Variants in STARD9 observed in about 807,000 individuals in gnomAD.
STARD9 encodes stAR-related lipid transfer protein 9.
In STARD9, 346 loss-of-function variants were observed where a neutral mutation model predicts 399.8. The observed-to-expected ratio is 0.87, with a 90% CI of 0.79 to 0.95. The LOEUF is 0.95. STARD9 is among the 40% of genes least tolerant of loss of function. STARD9 has a pLI of 0.00. For missense variants in STARD9, 5,832 were observed against 5,667.5 expected (o/e 1.03, Z -0.93); for synonymous variants, 2,203 against 2,143.5 (o/e 1.03, Z -0.77).
intron 3 of STARD9, among the ~76,000 whole-genome samples, chr15:42,593,984 A>G (rs2058455144): frequency 6.6e-6 from 1 of 152,060 alleles, no homozygotes; most frequent in South Asian, 2.1e-4. Context: ...TGTTGTTTTA[A>G]TATTTATTTG....
At chr15:42,677,371 G>A (rs1324141305) in intron 20 of STARD9, among the ~76,000 whole-genome samples, 3 of 152,246 alleles carry the variant, frequency 2.0e-5, no homozygotes, top group African/African-American at 4.8e-5. Flanking sequence ...ATTGCGTGAA[G>A]GATGATCCTA....
chr15:42,667,841 C>G (rs1020519138), intron 15 of STARD9, among the ~76,000 whole-genome samples: 2 of 152,292 alleles, frequency 1.3e-5, no homozygotes, highest in South Asian at 4.1e-4. Context: ...TTGCATCATC[C>G]TTATATGTTA....
intron 7 of STARD9, among the ~76,000 whole-genome samples, chr15:42,646,000 A>C (rs531474169): frequency 1.3e-5 from 2 of 152,106 alleles, no homozygotes; most frequent in South Asian, 2.1e-4. Flanking sequence ...ATATCTACTA[A>C]AAATACAAAA....
At chr15:42,669,111 C>T in intron 15 of STARD9, 47 bp from the exon 16 acceptor site, 1 of 1,460,550 alleles carries the variant, frequency 6.8e-7, no homozygotes, top group Non-Finnish European at 9.2e-7. Context: ...GACCTTTAGT[C>T]TGTTCCCCAT....
chr15:42,654,501 G>A (rs1026402218), intron 9 of STARD9, among the ~76,000 whole-genome samples: 10 of 152,058 alleles, frequency 6.6e-5, no homozygotes, highest in African/African-American at 1.7e-4. Context: ...GTTGCTGTTC[G>A]CTGACAACAT....
intron 1 of STARD9, 71 bp from the exon 2 acceptor site, chr15:42,583,275 G>A: frequency 1.7e-6 from 2 of 1,166,860 alleles, no homozygotes; most frequent in Non-Finnish European, 1.2e-6. Flanking sequence ...TGTCCCACTA[G>A]CACTGGTTTT....
intron 22 of STARD9, among the ~76,000 whole-genome samples, chr15:42,683,798 ATCTTT>A (rs2060485816): frequency 6.6e-6 from 1 of 152,158 alleles, no homozygotes; most frequent in Non-Finnish European, 1.5e-5. Flanking sequence ...CTATAGATTT[ATCTTT>A]TGGTTCCTCA....
rs1044849267 is a variant in STARD9, at chr15:42,689,997, G to GA, written c.8425dup (p.Thr2809AsnfsTer5). 201 of 1,537,130 alleles carry GA rather than the reference G, an allele frequency of 1.3e-4. No individual in the cohort carries two copies. Among genetic ancestry groups the GA allele is most frequent in the Non-Finnish European group, 1.6e-4 (182 of 1,146,932 alleles). The stretch of plus-strand genomic sequence containing the variant: ...TAATTTGTTAGTGACTGCACAGGGA[G>GA]AAAAAACAGCCCATTTTGAAAGTCA... On this transcript the variant is annotated frameshift_variant, in exon 23 of 33. Transcript: ENST00000290607. LOFTEE classifies it high-confidence loss of function.
chr15:42,686,410 A>C lies in STARD9; in HGVS notation c.4832A>C (p.Glu1611Ala), dbSNP rs1212187099. ...ACAAATGCACAGGTCTTTGCAACAGAGAACGCGATACCAGATTCCATGACA... is the reference window on the plus strand; with the variant it reads ...ACAAATGCACAGGTCTTTGCAACAGCGAACGCGATACCAGATTCCATGACA... The part of the protein sequence containing the change: ...RSTNAQVFAT[E>A]NAIPDSMTEA... Residue 1611 changes from glutamate (E) to alanine (A), a missense_variant, in exon 23 of 33, where the codon GAG (glutamate) becomes GCG (alanine). By Grantham distance (107) the Glu-to-Ala change is moderately radical. Transcript: ENST00000290607. The C allele has an allele frequency of 6.5e-7, 1 of 1,537,748 alleles. No individual in the cohort carries two copies. The highest frequency in any genetic ancestry group is 2.0e-5 in the Admixed American group (1 of 51,010).
rs1209414559 is a variant in STARD9 at position 42,688,979 on chromosome 15, G to A, written c.7401G>A (p.Glu2467=). The stretch of plus-strand genomic sequence containing the variant: ...GTGAAGATTTTGCTTCTGAAGCCGA[G>A]GTGGCTGTACAAAAAGAAATAAGAG... The part of the protein sequence containing the change: ...STSEDFASEA[E]VAVQKEIRVS... Residue 2467 remains glutamate, a synonymous_variant, in exon 23 of 33, where the codon GAG becomes GAA. Coordinates refer to ENST00000290607, the MANE Select transcript of STARD9 (RefSeq NM_020759.3). 5.2e-6 allele frequency: 8 copies of A among 1,537,268 alleles called. No homozygotes were observed. The highest frequency in any genetic ancestry group is 6.1e-6 in the Non-Finnish European group (7 of 1,146,954).
chr15:42,692,922 C>T lies in STARD9; in HGVS notation c.11344C>T (p.Pro3782Ser). The change falls in exon 23 of 33, where the codon CCT becomes TCT. Residue 3782 changes from proline (P) to serine (S), a missense_variant. Coordinates refer to ENST00000290607, the MANE Select transcript of STARD9 (RefSeq NM_020759.3). ...AGAAGAGGGAGATGTGCCAGGGGTA[C>T]CTCAGAAGAGAGAGGCAGAGGAAAC... ...SQEEGDVPGV[P>S]QKREAEETAQ... 1 of 1,537,242 alleles carries T rather than the reference C, an allele frequency of 6.5e-7. No individual in the cohort carries two copies. Among genetic ancestry groups the T allele is most frequent in the Non-Finnish European group, 8.7e-7 (1 of 1,146,914 alleles).
At chr15:42,704,199 C>A (rs1481695041) in intron 26 of STARD9, among the ~76,000 whole-genome samples, 1 of 152,194 alleles carries the variant, frequency 6.6e-6, no homozygotes, top group Non-Finnish European at 1.5e-5. Flanking sequence ...GCATGAGCTA[C>A]CACGCCTGGC....
intron 3 of STARD9, among the ~76,000 whole-genome samples, chr15:42,628,075 T>C (rs2059260647): frequency 6.6e-6 from 1 of 152,216 alleles, no homozygotes; most frequent in Non-Finnish European, 1.5e-5. Flanking sequence ...TTCCCTTTTC[T>C]CCACATCCTC....
intron 7 of STARD9, among the ~76,000 whole-genome samples, chr15:42,639,190 C>T (rs904346328): frequency 3.3e-5 from 5 of 152,120 alleles, no homozygotes; most frequent in Non-Finnish European, 1.5e-5. Context: ...AATGACGTAA[C>T]GTGGTGAGAA....
chr15:42,692,388 C>G lies in STARD9; in HGVS notation c.10810C>G (p.Pro3604Ala). The G allele has an allele frequency of 6.5e-7, 1 of 1,536,952 alleles. No individual in the cohort carries two copies. Among genetic ancestry groups the G allele is most frequent in the South Asian group, 1.2e-5 (1 of 84,068 alleles). The change falls in exon 23 of 33, where the codon CCC becomes GCC. Residue 3604 changes from proline (P) to alanine (A), a missense_variant. Around this residue, in one of 2 missense-constraint regions of STARD9, gnomAD observed 5,828 missense variants for 5,651.1 expected, o/e 1.03. Coordinates refer to ENST00000290607, the MANE Select transcript of STARD9 (RefSeq NM_020759.3). ...TGAAGCAGACTGTCTGAGGAGTAAG[C>G]CCCCCTTGGCCAAAGGAAGTGCTGC... Reference protein sequence around the residue: ...SGEADCLRSKPPLAKGSAAGP... With the variant: ...SGEADCLRSKAPLAKGSAAGP...
Position 42,687,653 on chromosome 15 carries a change from G to A in STARD9, c.6075G>A (p.Met2025Ile). 1 of 1,537,100 alleles carries A rather than the reference G, an allele frequency of 6.5e-7. No individual in the cohort carries two copies. The highest frequency in any genetic ancestry group is 8.7e-7 in the Non-Finnish European group (1 of 1,146,890). ...RNPSECKSQE[M>I]LNPNREPSGK... The stretch of plus-strand genomic sequence containing the variant: ...CCAGTGAATGCAAGTCACAAGAAAT[G>A]TTAAATCCCAACAGAGAACCTTCTG... The change falls in exon 23 of 33, where the codon ATG (methionine) becomes ATA (isoleucine). Residue 2025 changes from methionine to isoleucine, a missense_variant. This residue lies in a region of STARD9 where 5,828 missense variants were observed against 5,651.1 expected (regional missense o/e 1.03). Transcript: ENST00000290607.
In STARD9 at chr15:42,691,191, G is replaced by A. The variant is rs1041133949; in HGVS notation, c.9613G>A (p.Glu3205Lys). 3.3e-6 allele frequency: 5 copies of A among 1,537,128 alleles called. No homozygotes were observed. The highest frequency in any genetic ancestry group is 4.4e-6 in the Non-Finnish European group (5 of 1,146,902). The change falls in exon 23 of 33, where the codon GAA becomes AAA. Residue 3205 changes from glutamate to lysine, a missense_variant. By Grantham distance (56) the Glu-to-Lys change is moderately conservative. Transcript: ENST00000290607. ...GTTAAAACATACCTGCAGCCCCCAG[G>A]AAGACAGTCCCTGGCAGGAAGAAGA... ...ARLKHTCSPQEDSPWQEEEQH... is the reference protein window; with the variant it reads ...ARLKHTCSPQKDSPWQEEEQH...
chr15:42,715,135 G>A (rs767254820), intron 26 of STARD9, among the ~76,000 whole-genome samples: 2 of 151,662 alleles, frequency 1.3e-5, no homozygotes, highest in Non-Finnish European at 2.9e-5. Flanking sequence ...AAGTGATTCT[G>A]TCAGTGAAAG....
Position 42,663,506 on chromosome 15 carries a change from G to C in STARD9, c.1078+16G>C. On this transcript the variant is annotated intron_variant, in intron 12 of 32. Coordinates refer to ENST00000290607, the MANE Select transcript of STARD9 (RefSeq NM_020759.3). ...ATGGTTGCCAGTGAGTGGGATGCCA[G>C]AGCTGGACCTGTGTTGGGACTGGTA... 2 of 1,536,824 alleles carry C rather than the reference G, an allele frequency of 1.3e-6. No homozygotes were observed. The highest frequency in any genetic ancestry group is 1.7e-6 in the Non-Finnish European group (2 of 1,146,558).
Sources: gnomAD v4.1 joint callset for allele counts (sites outside exome capture counted in the v4.1 genomes callset) on GRCh38, gnomAD v4.1.1 for gene constraint, gnomAD v4.1.1 regional missense constraint, MANE v1.5 for transcripts, NCBI Gene and HGNC (gene_info 2026-07-23, HGNC 2026-07-21) for gene names.